The following PPARGC1B variants were observed in gnomAD, a reference collection of about 807,000 sequenced individuals.
PPARGC1B encodes the protein PPARG coactivator 1 beta, also known as peroxisome proliferator-activated receptor gamma coactivator 1-beta.
Under a neutral mutation model 101.6 loss-of-function variants are expected in PPARGC1B, and 34 were observed. That is an observed-to-expected ratio of 0.33 (90% CI 0.25 to 0.45). PPARGC1B has a LOEUF of 0.45. PPARGC1B is among the 20% of genes least tolerant of loss of function. The probability of loss-of-function intolerance (pLI) is 1.00; values close to 1 mark genes in which losing one functional copy is unlikely to be tolerated. For synonymous variants in PPARGC1B, 548 were observed against 539.3 expected, an observed-to-expected ratio of 1.02 and a Z score of -0.22; for missense variants, 1,234 against 1,317.6, an observed-to-expected ratio of 0.94 and a Z score of 0.98.
chr5:149,847,806 A>G lies in PPARGC1B; in HGVS notation c.*248A>G. 2 of 503,856 alleles carry G rather than the reference A, an allele frequency of 4.0e-6. No individual in the cohort carries two copies. Among genetic ancestry groups the G allele is most frequent in the Non-Finnish European group, 7.1e-6 (2 of 281,858 alleles). The allele number at this position is 503,856 out of a possible 1,614,324, so 31.2% of individuals were successfully genotyped here. A position where few individuals can be genotyped will look rare whatever the true frequency, so the allele number is the denominator to read the frequency against. ...TGCCACATTAGTGTCCTCGCTTCCA[A>G]CGGGTTGTCCCGGGTGCACCTCGAA... is the stretch of plus-strand genomic sequence containing the variant. On this transcript the variant is annotated 3_prime_UTR_variant, in exon 12 of 12. Transcript: ENST00000309241.
intron 2 of PPARGC1B, among the ~76,000 whole-genome samples, chr5:149,821,542 C>T: frequency 6.6e-6 from 1 of 152,172 alleles, no homozygotes; most frequent in East Asian, 1.9e-4. Flanking sequence ...TTTTCTCCCT[C>T]ATAAAGATTG....
In PPARGC1B at chr5:149,853,111, T is replaced by C. The variant is rs1040437128; in HGVS notation, c.*5553T>C. On this transcript the variant is annotated 3_prime_UTR_variant, in exon 12 of 12. Coordinates refer to ENST00000309241, the MANE Select transcript of PPARGC1B (RefSeq NM_133263.4). The surrounding 1 kb of genome is among the most constrained non-coding windows in gnomAD (Gnocchi z 4.2). ...AAGGCGGCTTACAAAAGCTTCCTTT[T>C]TCACTTGACCACCCTTGCTCATTGG... 6.6e-6 allele frequency: 1 copy of C among 152,204 alleles called. No individual in the cohort carries two copies. Among genetic ancestry groups the C allele is most frequent in the African/African-American group, 2.4e-5 (1 of 41,454 alleles). The allele number at this position is 152,204 out of a possible 1,614,324, so 9.4% of individuals were successfully genotyped here. A position where few individuals can be genotyped will look rare whatever the true frequency, so the allele number is the denominator to read the frequency against.
chr5:149,809,519 TAGATAGATAAGC>T (rs1757763501), intron 1 of PPARGC1B, among the ~76,000 whole-genome samples: 1 of 125,150 alleles, frequency 8.0e-6, no homozygotes. Context: ...GATAGATAGA[TAGATAGATAAGC>T]AAGCAAGCAA....
At chr5:149,763,799 C>A (rs1363522458) in intron 1 of PPARGC1B, among the ~76,000 whole-genome samples, 1 of 147,046 alleles carries the variant, frequency 6.8e-6, no homozygotes, top group East Asian at 2.0e-4. Context: ...TTTTTTTTTT[C>A]ATTTTTGAGA....
chr5:149,769,593 G>T (rs1258416893), intron 1 of PPARGC1B, among the ~76,000 whole-genome samples: 1 of 152,130 alleles, frequency 6.6e-6, no homozygotes, highest in African/African-American at 2.4e-5. Context: ...GTTGAATGGG[G>T]GCTGTAGTGA....
chr5:149,804,195 CTGGGAAATAG>C (rs1757522139), intron 1 of PPARGC1B, among the ~76,000 whole-genome samples: 1 of 152,222 alleles, frequency 6.6e-6, no homozygotes, highest in Admixed American at 6.5e-5. Context: ...CAAAACTGTC[CTGGGAAATAG>C]TGCCTCTGCG....
At chr5:149,744,027 C>T (rs1443029936) in intron 1 of PPARGC1B, among the ~76,000 whole-genome samples, 1 of 152,132 alleles carries the variant, frequency 6.6e-6, no homozygotes, top group Admixed American at 6.5e-5. Context: ...CTATGACCCA[C>T]CCACTTACTC....
At position 149,845,786 on chromosome 5, in the gene PPARGC1B, A is replaced by G. The variant is rs201717755; in HGVS notation, c.2843A>G (p.Tyr948Cys). ...RRGEKYGFIT[Y>C]RCSEHAALSL... ...GGCGAGAAGTACGGCTTCATCACCT[A>G]CCGGTGTTCTGAGCACGCGGCCCTC... The change falls in exon 11 of 12, where the codon TAC (tyrosine) becomes TGC (cysteine). Residue 948 changes from tyrosine (Y) to cysteine (C), a missense_variant. This residue lies in a region of PPARGC1B where 497 missense variants were observed against 529.5 expected (regional missense o/e 0.94). Coordinates refer to ENST00000309241, the MANE Select transcript of PPARGC1B (RefSeq NM_133263.4). The G allele has an allele frequency of 4.3e-6, 7 of 1,613,296 alleles. No individual in the cohort carries two copies. The East Asian group carries it at 1.1e-4, about 26-fold the overall frequency.
At position 149,834,579 on chromosome 5, in the gene PPARGC1B, T is replaced by G. The variant is rs138996223; in HGVS notation, c.1706-95T>G. 495 of 1,124,192 alleles carry G rather than the reference T, an allele frequency of 4.4e-4. 1 individual carries two copies. The African/African-American group carries it at 6.9e-3, about 16-fold the overall frequency. The allele number at this position is 1,124,192 out of a possible 1,614,324, so 69.6% of individuals were successfully genotyped here. On this transcript the variant is annotated intron_variant, in intron 5 of 11. Coordinates refer to ENST00000309241, the MANE Select transcript of PPARGC1B (RefSeq NM_133263.4). ...CACCTGCCCAAAGGGCAGCTGTGCT[T>G]GGCACCAGTGGAGGCCTAGGGTCTC...
At chr5:149,743,071 G>T (rs1754965926) in intron 1 of PPARGC1B, among the ~76,000 whole-genome samples, 2 of 151,956 alleles carry the variant, frequency 1.3e-5, no homozygotes, top group South Asian at 2.1e-4. Flanking sequence ...TGCCAGGTCT[G>T]TTCCTTACTC....
intron 2 of PPARGC1B, 62 bp downstream of exon 2, chr5:149,820,668 G>C: frequency 6.6e-7 from 1 of 1,508,354 alleles, no homozygotes; most frequent in Non-Finnish European, 9.0e-7. Context: ...TCAAAATCCC[G>C]GCTCTGCCCT....
chr5:149,776,788 A>T (rs1468270820), intron 1 of PPARGC1B, among the ~76,000 whole-genome samples: 1 of 152,206 alleles, frequency 6.6e-6, no homozygotes, highest in Non-Finnish European at 1.5e-5. Context: ...GGCTTCAGAC[A>T]AGTTTGAGCA....
chr5:149,778,818 GA>G (rs1756490126), intron 1 of PPARGC1B, among the ~76,000 whole-genome samples: 1 of 151,952 alleles, frequency 6.6e-6, no homozygotes, highest in Non-Finnish European at 1.5e-5. Context: ...TTCATTGTTT[GA>G]AAAAAGGAAA....
intron 3 of PPARGC1B, among the ~76,000 whole-genome samples, chr5:149,830,110 C>T (rs1758716618): frequency 2.1e-5 from 3 of 143,562 alleles, no homozygotes; most frequent in South Asian, 4.4e-4. Context: ...CATATACTTG[C>T]ATAATGAAAG....
rs1213962485 is a variant in PPARGC1B, at chr5:149,837,360, G to A, written c.2618+287G>A. Among the ~76,000 whole-genome samples, 3 of 152,226 alleles carry A rather than the reference G, an allele frequency of 2.0e-5. No homozygotes were observed. The highest frequency in any genetic ancestry group is 2.9e-5 in the Non-Finnish European group (2 of 68,036). On this transcript the variant is annotated intron_variant, in intron 8 of 11. Transcript: ENST00000309241. This position sits in a 1 kb window ranked among gnomAD's most constrained non-coding sequence, Gnocchi z 4.2. Reference sequence around the variant, plus strand: ...CACTCCTGGCTATTTGTGGGCTTACGTCTATAAAGGAACTTGTCCCTTATC... The same window carrying A: ...CACTCCTGGCTATTTGTGGGCTTACATCTATAAAGGAACTTGTCCCTTATC...
At chr5:149,814,893 A>G (rs539506597) in intron 1 of PPARGC1B, among the ~76,000 whole-genome samples, 2 of 152,302 alleles carry the variant, frequency 1.3e-5, no homozygotes, top group South Asian at 4.1e-4. Context: ...GTGAGCAGGC[A>G]CGTTGAGGGG....
rs1759074996 is a variant in PPARGC1B at position 149,836,360 on chromosome 5, C to A, written c.1905C>A (p.Ser635Arg). Residue 635 changes from serine to arginine, a missense_variant, in exon 8 of 12, where the codon AGC becomes AGA. Around this residue, in one of 3 missense-constraint regions of PPARGC1B, gnomAD observed 497 missense variants for 529.5 expected, o/e 0.94. Coordinates refer to ENST00000309241, the MANE Select transcript of PPARGC1B (RefSeq NM_133263.4). ...GTCTAGGCAAAGAAATAGCTCTCAG[C>A]CTCCCCTCCCCTGAGGGCCTCTCAC... is the stretch of plus-strand genomic sequence containing the variant. ...KHSLGKEIAL[S>R]LPSPEGLSLK... The A allele has an allele frequency of 1.2e-6, 2 of 1,614,062 alleles. No homozygotes were observed. The highest frequency in any genetic ancestry group is 4.5e-5 in the East Asian group (2 of 44,844).
chr5:149,743,491 T>C (rs1754982995), intron 1 of PPARGC1B, among the ~76,000 whole-genome samples: 1 of 152,144 alleles, frequency 6.6e-6, no homozygotes, highest in East Asian at 1.9e-4. Context: ...CTCTACCCAG[T>C]TGGGACTGGA....
At chr5:149,735,644 C>T (rs1029365056) in intron 1 of PPARGC1B, among the ~76,000 whole-genome samples, 6 of 152,184 alleles carry the variant, frequency 3.9e-5, no homozygotes. Flanking sequence ...ACAGATCTTA[C>T]AGTTTCAGAG....
Sources: gnomAD v4.1 joint callset for allele counts (sites outside exome capture counted in the v4.1 genomes callset) on GRCh38, gnomAD v4.1.1 for gene constraint, gnomAD v4.1.1 regional missense constraint, Gnocchi (gnomAD v3.1) non-coding constraint, MANE v1.5 for transcripts, NCBI Gene and HGNC (gene_info 2026-07-23, HGNC 2026-07-21) for gene names.